Variants in ANK2 observed in about 807,000 individuals in gnomAD.
The protein encoded by ANK2 is ankyrin-2.
A neutral mutation model predicts 360.5 loss-of-function variants in ANK2; 83 were observed. That is an observed-to-expected ratio of 0.23 (90% confidence interval 0.19 to 0.28). The LOEUF is 0.28. Ranked by LOEUF, ANK2 falls within the 10% of genes least tolerant of loss-of-function variation. The pLI, the probability that ANK2 is intolerant of heterozygous loss-of-function variation, is 1.00. For missense variants in ANK2, 4,201 were observed against 4,795.7 expected (o/e 0.88, Z 3.66); for synonymous variants, 1,740 against 1,759.5 (o/e 0.99, Z 0.28).
chr4:113,341,706 T>C lies in ANK2; in HGVS notation c.3912T>C (p.Cys1304=). 6.2e-7 allele frequency: 1 copy of C among 1,614,160 alleles called. No individual in the cohort carries two copies. The highest frequency in any genetic ancestry group is 1.1e-5 in the South Asian group (1 of 91,088). The change falls in exon 33 of 46, where the codon TGT becomes TGC. Residue 1304 remains cysteine, a synonymous_variant. Coordinates refer to ENST00000357077, the MANE Select transcript of ANK2 (RefSeq NM_001148.6). ...TTAATAGGTTCTGGCTGATAGATTG[T>C]CGACAGATCCAGGAATCCGTTACTT... ...NVSARFWLID[C]RQIQESVTFA...
intron 2 of ANK2, among the ~76,000 whole-genome samples, chr4:112,908,766 G>C (rs1182156406): frequency 1.3e-5 from 2 of 152,164 alleles, no homozygotes; most frequent in Non-Finnish European, 2.9e-5. Context: ...TTGTAAGTCT[G>C]GCGCATTGAT....
upstream of ANK2, among the ~76,000 whole-genome samples, chr4:112,814,296 A>G (rs1383598204): frequency 6.6e-6 from 1 of 152,250 alleles, no homozygotes; most frequent in African/African-American, 2.4e-5. Flanking sequence ...TAACTCAGCC[A>G]ACGAGAGAAA....
chr4:113,049,575 C>A, upstream of ANK2: 1 of 1,447,256 alleles, frequency 6.9e-7, no homozygotes, highest in Non-Finnish European at 9.2e-7. Context: ...CAGCTGCTGC[C>A]ATGGCAACGT....
At chr4:112,875,923 T>C (rs1158645735) in intron 1 of ANK2, among the ~76,000 whole-genome samples, 2 of 143,158 alleles carry the variant, frequency 1.4e-5, no homozygotes, top group African/African-American at 2.5e-5. Context: ...TCTTTTTTCT[T>C]TTTTTTTTTT....
chr4:112,774,907 T>A, the ANK2 span, among the ~76,000 whole-genome samples: 1 of 152,152 alleles, frequency 6.6e-6, no homozygotes, highest in East Asian at 1.9e-4. Context: ...CTTTGAAAAA[T>A]AATACTTGTG....
intron 11 of ANK2, among the ~76,000 whole-genome samples, chr4:113,257,026 CA>C (rs1443404642): frequency 6.6e-6 from 1 of 152,098 alleles, no homozygotes. Flanking sequence ...AGCTCATAAA[CA>C]GGGGAAATGA....
intron 36 of ANK2, 136 bp downstream of exon 36, chr4:113,348,444 C>A: frequency 2.4e-6 from 2 of 832,644 alleles, no homozygotes; most frequent in Non-Finnish European, 4.0e-6. Flanking sequence ...TTTTACTTAA[C>A]CTCTCTAAGC....
At chr4:112,902,940 T>C (rs1428773519) in intron 1 of ANK2, among the ~76,000 whole-genome samples, 2 of 152,206 alleles carry the variant, frequency 1.3e-5, no homozygotes, top group African/African-American at 4.8e-5. Flanking sequence ...CAGAGGGCTA[T>C]TCCCGGGAGT....
Position 113,355,031 on chromosome 4 carries a change from A to G in ANK2, c.6413A>G (p.Glu2138Gly). 6.2e-7 allele frequency: 1 copy of G among 1,614,008 alleles called. No individual in the cohort carries two copies. Among genetic ancestry groups the G allele is most frequent in the Non-Finnish European group, 8.5e-7 (1 of 1,179,926 alleles). ...AGGAAAACCTCCACTGACTTCTCTG[A>G]GGTCATTAAGCAAGAGTTGGAAGAC... ...PDRKTSTDFSEVIKQELEDND... is the reference protein window; with the variant it reads ...PDRKTSTDFSGVIKQELEDND... Residue 2138 changes from glutamate (E) to glycine (G), a missense_variant, in exon 38 of 46, where the codon GAG (glutamate) becomes GGG (glycine). Coordinates refer to ENST00000357077, the MANE Select transcript of ANK2 (RefSeq NM_001148.6).
chr4:112,999,805 A>T (rs561258405), intron 2 of ANK2, among the ~76,000 whole-genome samples: 5 of 152,340 alleles, frequency 3.3e-5, no homozygotes, highest in African/African-American at 1.2e-4. Flanking sequence ...AAGCATCATT[A>T]GAAAGTTAAT....
At chr4:112,738,866 C>T in the ANK2 span, 7 of 637,824 alleles carry the variant, frequency 1.1e-5, no homozygotes, top group Admixed American at 9.4e-5. Flanking sequence ...GCAACAACAA[C>T]AAACAAACAA....
Position 113,365,201 on chromosome 4 carries a change from ATGTGTGTGTGTGTGTGTG to A in ANK2, c.11032+33_11032+50del. The A allele has an allele frequency of 7.0e-7, 1 of 1,421,186 alleles. No homozygotes were observed. The highest frequency in any genetic ancestry group is 9.8e-7 in the Non-Finnish European group (1 of 1,021,582). The allele number at this position is 1,421,186 out of a possible 1,614,324, so 88.0% of individuals were successfully genotyped here. ...AGTGAAGGTCAAACTGTGTGTGTGTATGTGTGTGTGTGTGTGTGTGTGTGTGTGTGTTGTGTCTGTGTG... is the reference window on the plus strand; with the variant it reads ...AGTGAAGGTCAAACTGTGTGTGTGTATGTGTGTGTGTGTTGTGTCTGTGTG... On this transcript the variant is annotated intron_variant, in intron 41 of 45. Transcript: ENST00000357077.
intron 38 of ANK2, 73 bp from the exon 39 acceptor site, chr4:113,360,750 T>C (rs886414543): frequency 1.5e-6 from 2 of 1,330,120 alleles, no homozygotes; most frequent in East Asian, 4.9e-5. Context: ...TTCCTTTCTT[T>C]GAATGAATCA....
intron 2 of ANK2, among the ~76,000 whole-genome samples, chr4:113,185,431 T>C (rs190638242): frequency 1.3e-3 from 197 of 152,350 alleles, no homozygotes; most frequent in African/African-American, 4.5e-3. Context: ...TGGTATCTCA[T>C]TGTGGTTTTG....
intron 1 of ANK2, among the ~76,000 whole-genome samples, chr4:112,834,930 C>T (rs2149724872): frequency 6.6e-6 from 1 of 152,286 alleles, no homozygotes; most frequent in South Asian, 2.1e-4. Flanking sequence ...AGGTGTGGTT[C>T]AACTTGTTCC....
At chr4:113,154,537 C>A (rs919011235) in intron 1 of ANK2, among the ~76,000 whole-genome samples, 1 of 152,154 alleles carries the variant, frequency 6.6e-6, no homozygotes, top group Non-Finnish European at 1.5e-5. Flanking sequence ...AGATGATTAA[C>A]AAAATTCTTC....
upstream of ANK2, among the ~76,000 whole-genome samples, chr4:113,049,309 C>T (rs1360300070): frequency 6.6e-6 from 1 of 152,120 alleles, no homozygotes; most frequent in East Asian, 1.9e-4. Flanking sequence ...GAGACACATT[C>T]TAGAATGTTA....
intron 5 of ANK2, among the ~76,000 whole-genome samples, chr4:113,236,414 T>C (rs1201271524): frequency 6.6e-6 from 1 of 152,208 alleles, no homozygotes; most frequent in Non-Finnish European, 1.5e-5. Flanking sequence ...ATTCAACTAT[T>C]AAGAGCATAA....
the ANK2 span, among the ~76,000 whole-genome samples, chr4:112,791,966 G>A: frequency 5.8e-3 from 868 of 149,790 alleles, 11 homozygotes; most frequent in African/African-American, 0.02. Context: ...TTGTATGTTA[G>A]TAGATGCTGG....
Sources: gnomAD v4.1 joint callset for allele counts (sites outside exome capture counted in the v4.1 genomes callset) on GRCh38, gnomAD v4.1.1 for gene constraint, MANE v1.5 for transcripts, NCBI Gene and HGNC (gene_info 2026-07-23, HGNC 2026-07-21) for gene names.